The following MYO5B variants were observed in gnomAD, a reference collection of about 807,000 sequenced individuals.
MYO5B encodes myosin VB.
MYO5B carries 143 observed loss-of-function variants against 229.3 expected under a neutral mutation model. That is an observed-to-expected ratio of 0.62 (90% CI 0.54 to 0.72). MYO5B has a LOEUF of 0.72. Among genes scored for constraint, MYO5B ranks in the 30% least tolerant of loss-of-function variants. The pLI is 0.00. For synonymous variants in MYO5B, 918 were observed against 885.2 expected (o/e 1.04, Z -0.66); for missense variants, 2,321 against 2,331.0 (o/e 1.00, Z 0.09).
intron 14 of MYO5B, 126 bp from the exon 15 acceptor site, chr18:49,937,523 C>G: frequency 2.7e-6 from 3 of 1,101,432 alleles, no homozygotes; most frequent in Non-Finnish European, 4.0e-6. Flanking sequence ...AACCCACACA[C>G]CAACCTGCAC....
intron 1 of MYO5B, among the ~76,000 whole-genome samples, chr18:50,148,080 C>G (rs1412425885): frequency 2.0e-5 from 3 of 149,960 alleles, no homozygotes; most frequent in African/African-American, 7.4e-5. Context: ...ACTAGAAAAT[C>G]TAGAAGAAAT....
intron 10 of MYO5B, among the ~76,000 whole-genome samples, chr18:49,970,648 G>T (rs1174330175): frequency 6.6e-6 from 1 of 152,150 alleles, no homozygotes; most frequent in Admixed American, 6.5e-5. Flanking sequence ...GGAAAAAGTG[G>T]AGTGGCTCAT....
intron 1 of MYO5B, among the ~76,000 whole-genome samples, chr18:50,156,606 A>C (rs1370089235): frequency 6.6e-6 from 1 of 152,142 alleles, no homozygotes; most frequent in Non-Finnish European, 1.5e-5. Flanking sequence ...TTTATAAATT[A>C]CCCAGTCTCG....
intron 36 of MYO5B, among the ~76,000 whole-genome samples, chr18:49,838,893 GA>G (rs2024022688): frequency 6.6e-6 from 1 of 152,082 alleles, no homozygotes; most frequent in Non-Finnish European, 1.5e-5. Flanking sequence ...TAAAATTTGG[GA>G]AAAAATACAA....
intron 10 of MYO5B, among the ~76,000 whole-genome samples, chr18:49,964,321 A>G (rs1207653880): frequency 6.6e-6 from 1 of 152,124 alleles, no homozygotes; most frequent in African/African-American, 2.4e-5. Flanking sequence ...CACACAGTAA[A>G]ATACACCAAT....
In MYO5B at chr18:49,846,966, G is replaced by C. The variant is rs531254062; in HGVS notation, c.4459+180C>G. Among the ~76,000 whole-genome samples, 5 of 151,312 alleles carry C rather than the reference G, an allele frequency of 3.3e-5. No homozygotes were observed. The South Asian group carries it at 1.1e-3, about 32-fold the overall frequency. On this transcript the variant is annotated intron_variant, in intron 33 of 39. Transcript: ENST00000285039. The stretch of plus-strand genomic sequence containing the variant: ...AGCTGGACACAGCAGGAGCTGGGGG[G>C]AGGATGAGAGTAGGTGTGGGGAGTG...
At chr18:49,920,889 G>C (rs940679886) in intron 17 of MYO5B, among the ~76,000 whole-genome samples, 3 of 152,130 alleles carry the variant, frequency 2.0e-5, no homozygotes, top group African/African-American at 7.2e-5. Flanking sequence ...GTGAAAACCC[G>C]TGGGTCAGGC....
intron 29 of MYO5B, among the ~76,000 whole-genome samples, chr18:49,862,690 G>A (rs540247445): frequency 1.8e-4 from 27 of 152,280 alleles, no homozygotes; most frequent in African/African-American, 6.3e-4. Context: ...AGGGGACAGT[G>A]GTTGCTAAAC....
At position 49,906,506 on chromosome 18, in the gene MYO5B, C is replaced by T. The variant is rs183277668; in HGVS notation, c.2327G>A (p.Arg776Gln). ...ATATTTCACCTTCTGCAGCCATCCC[C>T]GGACAGTTTTCTGGATCATGATGGT... ...TATIMIQKTV[R>Q]GWLQKVKYHR... Residue 776 changes from arginine (R) to glutamine (Q), a missense_variant, in exon 19 of 40, where the codon CGG becomes CAG. Physicochemically the swap from Arg to Gln is conservative, Grantham distance 43. Around this residue, in one of 2 missense-constraint regions of MYO5B, gnomAD observed 2,113 missense variants for 2,044.7 expected, o/e 1.03. Transcript: ENST00000285039. 1.4e-4 allele frequency: 221 copies of T among 1,614,172 alleles called. No homozygotes were observed. The East Asian group carries it at 4.3e-3, about 31-fold the overall frequency.
At chr18:49,829,202 C>T (rs951501485) in intron 39 of MYO5B, among the ~76,000 whole-genome samples, 1 of 151,506 alleles carries the variant, frequency 6.6e-6, no homozygotes, top group African/African-American at 2.4e-5. Flanking sequence ...CCTCAGCCCC[C>T]CAAGTAGCTG....
At chr18:49,853,392 A>G in intron 31 of MYO5B, 57 bp downstream of exon 31, 1 of 1,593,198 alleles carries the variant, frequency 6.3e-7, no homozygotes, top group Non-Finnish European at 8.6e-7. Flanking sequence ...CCCCGATCCC[A>G]TTTGCTTCTA....
At chr18:49,877,354 G>A (rs1204239810) in intron 25 of MYO5B, among the ~76,000 whole-genome samples, 1 of 152,092 alleles carries the variant, frequency 6.6e-6, no homozygotes. Context: ...TCTAAGTGAG[G>A]GGGCAATTTT....
At chr18:50,119,204 G>A (rs1599034675) in intron 1 of MYO5B, among the ~76,000 whole-genome samples, 2 of 152,284 alleles carry the variant, frequency 1.3e-5, no homozygotes, top group African/African-American at 2.4e-5. Context: ...AACCAGCTCC[G>A]GGTGATGCTG....
intron 9 of MYO5B, among the ~76,000 whole-genome samples, chr18:49,978,642 T>G (rs964619216): frequency 6.7e-6 from 1 of 149,990 alleles, no homozygotes; most frequent in Non-Finnish European, 1.5e-5. Context: ...GAACTGACCC[T>G]ACTCTTTCAG....
chr18:49,864,142 G>C lies in MYO5B; in HGVS notation c.3842C>G (p.Ala1281Gly). The C allele has an allele frequency of 6.2e-7, 1 of 1,607,988 alleles. No individual in the cohort carries two copies. Residue 1281 changes from alanine (A) to glycine (G), a missense_variant and splice_region_variant, in exon 28 of 40, where the codon GCG becomes GGG. By Grantham distance (60) the Ala-to-Gly change is moderately conservative (BLOSUM62 0). Around this residue, in one of 2 missense-constraint regions of MYO5B, gnomAD observed 2,113 missense variants for 2,044.7 expected, o/e 1.03. Transcript: ENST00000285039. The part of the protein sequence containing the change: ...ADQRRLAGRN[A>G]EPNINARSSW... Reference sequence around the variant, plus strand: ...CACCGCGGGCCGCCATCTTGTTACCGCGTTCCTGCCGGCGAGTCGCCGCTG... The same window carrying C: ...CACCGCGGGCCGCCATCTTGTTACCCCGTTCCTGCCGGCGAGTCGCCGCTG...
At chr18:49,969,985 A>C (rs1209140183) in intron 10 of MYO5B, 3 of 152,260 alleles carry the variant, frequency 2.0e-5, no homozygotes, top group Non-Finnish European at 4.4e-5. Flanking sequence ...GAAGGCTGAA[A>C]TCAAAGACAA....
At chr18:49,839,073 G>T in intron 36 of MYO5B, 71 bp downstream of exon 36, 1 of 1,588,334 alleles carries the variant, frequency 6.3e-7, no homozygotes, top group Non-Finnish European at 8.6e-7. Context: ...AAAGGCAGAG[G>T]GTGCTGACCA....
rs1422918812 is a variant in MYO5B at position 49,856,833 on chromosome 18, T to A, written c.4002A>T (p.Gln1334His). The change falls in exon 30 of 40, where the codon CAA (glutamine) becomes CAT (histidine). Residue 1334 changes from glutamine to histidine, a missense_variant. Gln to His is a conservative substitution (Grantham distance 24, BLOSUM62 0). Coordinates refer to ENST00000285039, the MANE Select transcript of MYO5B (RefSeq NM_001080467.3). The stretch of plus-strand genomic sequence containing the variant: ...TCCACCTGGCAACTTGCTTTAGGCC[T>A]TGGTAGGCCAAGCCGAGTTCTCCAT... ...NEDGELGLAY[Q>H]GLKQVARLLE... 5 of 1,614,130 alleles carry A rather than the reference T, an allele frequency of 3.1e-6. No homozygotes were observed. Among genetic ancestry groups the A allele is most frequent in the Non-Finnish European group, 3.4e-6 (4 of 1,179,934 alleles).
intron 1 of MYO5B, among the ~76,000 whole-genome samples, chr18:50,089,829 A>G (rs1037507243): frequency 2.0e-5 from 3 of 152,054 alleles, no homozygotes; most frequent in Non-Finnish European, 2.9e-5. Flanking sequence ...TGCCCCATGT[A>G]TTCCTGGCAA....
Sources: allele counts gnomAD v4.1 joint callset (sites outside exome capture counted in the v4.1 genomes callset), GRCh38; gene constraint gnomAD v4.1.1; regional missense constraint gnomAD v4.1.1; transcripts MANE v1.5; gene names NCBI Gene and HGNC (gene_info 2026-07-23, HGNC 2026-07-21).